Variants in OSBPL10 observed in about 807,000 individuals in gnomAD.
OSBPL10 encodes oxysterol-binding protein-related protein 10.
Under a neutral mutation model 81.7 loss-of-function variants are expected in OSBPL10, and 49 were observed. That is an observed-to-expected ratio of 0.60 (90% CI 0.48 to 0.76). OSBPL10 has a LOEUF of 0.76. Ranked by LOEUF, OSBPL10 falls within the 30% of genes least tolerant of loss-of-function variation. OSBPL10 has a pLI of 0.00. For missense variants in OSBPL10, 923 were observed against 987.8 expected (o/e 0.93, Z 0.88); for synonymous variants, 419 against 383.6 (o/e 1.09, Z -1.08).
chr3:31,691,434 A>C (rs1482977671), intron 7 of OSBPL10, among the ~76,000 whole-genome samples: 1 of 152,172 alleles, frequency 6.6e-6, no homozygotes, highest in Non-Finnish European at 1.5e-5. Context: ...AAGAAACATC[A>C]GTTGACTGGG....
Position 31,789,165 on chromosome 3 carries a change from G to A in OSBPL10, c.729+40875C>T, listed in dbSNP as rs149084268. Among the ~76,000 whole-genome samples, 458 of 152,312 alleles carry A rather than the reference G, an allele frequency of 3.0e-3. 1 individual carries two copies. The highest frequency in any genetic ancestry group is 0.01 in the Middle Eastern group (3 of 294). On this transcript the variant is annotated intron_variant, in intron 4 of 11. Coordinates refer to ENST00000396556, the MANE Select transcript of OSBPL10 (RefSeq NM_017784.5). The stretch of plus-strand genomic sequence containing the variant: ...AGCTAATTATTGTATGTTTAGTAGA[G>A]AGGGGTTTCACCATGTTGGTCATGC...
chr3:31,849,423 A>G (rs1559491052), intron 3 of OSBPL10, among the ~76,000 whole-genome samples: 1 of 152,170 alleles, frequency 6.6e-6, no homozygotes, highest in Admixed American at 6.5e-5. Context: ...TGAAGCCCAG[A>G]AAAACAGAGC....
At chr3:31,754,377 G>T (rs6805478) in intron 4 of OSBPL10, among the ~76,000 whole-genome samples, 8,587 of 152,184 alleles carry the variant, frequency 0.056, 759 homozygotes, top group African/African-American at 0.19. Flanking sequence ...GAGTGACGGT[G>T]GCAATAACGG....
At chr3:31,841,983 C>T (rs1700509530) in intron 3 of OSBPL10, among the ~76,000 whole-genome samples, 1 of 152,242 alleles carries the variant, frequency 6.6e-6, no homozygotes, top group African/African-American at 2.4e-5. Context: ...TCTCTAAAAA[C>T]CTAGAAGCGT....
intron 7 of OSBPL10, among the ~76,000 whole-genome samples, chr3:31,696,452 C>G (rs993565172): frequency 6.6e-6 from 1 of 152,250 alleles, no homozygotes; most frequent in African/African-American, 2.4e-5. Flanking sequence ...TTTTCCCATT[C>G]TCCCTTGAAT....
intron 2 of OSBPL10, among the ~76,000 whole-genome samples, chr3:32,038,458 A>G (rs984025786): frequency 6.6e-6 from 1 of 152,122 alleles, no homozygotes; most frequent in Non-Finnish European, 1.5e-5. Flanking sequence ...AGTAGCTGGG[A>G]TTACAGGCGT....
At position 31,969,866 on chromosome 3, in the gene OSBPL10, A is replaced by G. The variant is rs59503712; in HGVS notation, c.281+11033T>C. On this transcript the variant is annotated intron_variant, in intron 1 of 11. Transcript: ENST00000396556. ...CGAGACTCCGTCTCAAAAAAACAAA[A>G]AAAGAAAAAAAAAAAACACGAGGCC... 6.1e-3 allele frequency among the ~76,000 whole-genome samples: 887 copies of G among 144,616 alleles called. 8 individuals carry two copies. The highest frequency in any genetic ancestry group is 0.021 in the African/African-American group (829 of 39,420). The allele number at this position is 144,616 out of a possible 152,430, so 94.9% of individuals were successfully genotyped here.
At chr3:31,699,233 C>A (rs922832047) in intron 7 of OSBPL10, among the ~76,000 whole-genome samples, 14 of 152,222 alleles carry the variant, frequency 9.2e-5, no homozygotes, top group African/African-American at 3.4e-4. Flanking sequence ...TTTGCTCAAA[C>A]TTTCCAAGGC....
intron 2 of OSBPL10, among the ~76,000 whole-genome samples, chr3:31,996,299 C>T (rs991143582): frequency 5.3e-5 from 8 of 152,198 alleles, no homozygotes; most frequent in Non-Finnish European, 8.8e-5. Context: ...TTAACTGAGA[C>T]TTGTAACATT....
intron 2 of OSBPL10, among the ~76,000 whole-genome samples, chr3:32,028,927 G>C (rs1026971): frequency 0.31 from 32,897 of 105,652 alleles, 6,676 homozygotes; most frequent in South Asian, 0.39. Context: ...AGCTAGTCAG[G>C]ACACACACAC....
At chr3:32,029,779 AG>A (rs538264946) in intron 2 of OSBPL10, among the ~76,000 whole-genome samples, 221 of 152,298 alleles carry the variant, frequency 1.5e-3, no homozygotes, top group African/African-American at 4.9e-3. Flanking sequence ...AAAATATCTC[AG>A]GTAGAGCCAG....
At chr3:31,887,448 T>C (rs1015328153) in intron 1 of OSBPL10, among the ~76,000 whole-genome samples, 3 of 152,182 alleles carry the variant, frequency 2.0e-5, no homozygotes, top group African/African-American at 4.8e-5. Flanking sequence ...AGCAAAAAGT[T>C]TCCTCCTTGG....
At chr3:31,904,973 G>T (rs574262119) in intron 1 of OSBPL10, among the ~76,000 whole-genome samples, 12 of 152,184 alleles carry the variant, frequency 7.9e-5, no homozygotes, top group Admixed American at 5.2e-4. Context: ...GGCTGCCACC[G>T]GAATATAAAA....
intron 4 of OSBPL10, among the ~76,000 whole-genome samples, chr3:31,797,016 G>A (rs866737267): frequency 0.04 from 2,695 of 68,072 alleles, 83 homozygotes; most frequent in African/African-American, 0.12. Flanking sequence ...TTTTTTTTGA[G>A]ACAGAGGCTT....
intron 4 of OSBPL10, among the ~76,000 whole-genome samples, chr3:31,759,513 T>C (rs1364987927): frequency 6.6e-6 from 1 of 152,178 alleles, no homozygotes; most frequent in Non-Finnish European, 1.5e-5. Context: ...ACTCATAATA[T>C]ATCCAATACC....
chr3:31,984,139 G>A (rs779867951), upstream of OSBPL10, among the ~76,000 whole-genome samples: 5 of 152,126 alleles, frequency 3.3e-5, no homozygotes, highest in Non-Finnish European at 7.3e-5. Context: ...CCGGGTTCAC[G>A]TCATTCTCCT....
intron 7 of OSBPL10, among the ~76,000 whole-genome samples, chr3:31,694,785 A>C (rs1229117691): frequency 6.6e-6 from 1 of 151,790 alleles, no homozygotes; most frequent in African/African-American, 2.4e-5. Context: ...ACGGACTTTC[A>C]CTCTTGTTGC....
At chr3:31,717,901 T>C (rs1202202533) in intron 6 of OSBPL10, among the ~76,000 whole-genome samples, 1 of 152,186 alleles carries the variant, frequency 6.6e-6, no homozygotes, top group East Asian at 1.9e-4. Context: ...CAGTGAAAAC[T>C]TCCAGGGGAA....
At chr3:31,908,315 G>C (rs1220751638) in intron 1 of OSBPL10, among the ~76,000 whole-genome samples, 2 of 152,198 alleles carry the variant, frequency 1.3e-5, no homozygotes, top group East Asian at 3.9e-4. Context: ...GCTCACTCTA[G>C]AATGATGCTT....
Sources: allele counts gnomAD v4.1 joint callset (sites outside exome capture counted in the v4.1 genomes callset), GRCh38; gene constraint gnomAD v4.1.1; transcripts MANE v1.5; gene names NCBI Gene and HGNC (gene_info 2026-07-23, HGNC 2026-07-21).